Variants in CYGB observed in about 807,000 individuals in gnomAD.
The protein encoded by CYGB is cytoglobin.
CYGB carries 13 observed loss-of-function variants against 20.7 expected under a neutral mutation model. That is an observed-to-expected ratio of 0.63 (90% confidence interval 0.41 to 1.00). The LOEUF is 1.00. CYGB is among the 50% of genes least tolerant of loss of function. The pLI is 0.00. For synonymous variants in CYGB, 93 were observed against 107.4 expected (o/e 0.87, Z 0.83); for missense variants, 218 against 257.2 (o/e 0.85, Z 1.04).
upstream of CYGB, chr17:76,540,186 GCGC>G (rs1567910849): frequency 6.2e-7 from 1 of 1,601,106 alleles, no homozygotes; most frequent in Admixed American, 1.7e-5. The surrounding 1 kb of genome is among the most constrained non-coding windows in gnomAD (Gnocchi z 5.0). Context: ...CCATGCTCTG[GCGC>G]CGCCGATTTG....
upstream of CYGB, among the ~76,000 whole-genome samples, chr17:76,540,876 G>T (rs905071650): frequency 6.6e-6 from 1 of 152,228 alleles, no homozygotes; most frequent in Non-Finnish European, 1.5e-5. This position sits in a 1 kb window ranked among gnomAD's most constrained non-coding sequence, Gnocchi z 5.0. Flanking sequence ...AAGGAGGGAT[G>T]AGGCAGGAGT....
chr17:76,531,345 G>A lies in CYGB; in HGVS notation c.375+115C>T, dbSNP rs188634736. ...CTGCCGGGCACTGCCCCTCCCTCTC[G>A]CAGCCACTCCGGGGATCACCTCTGT... On this transcript the variant is annotated intron_variant, in intron 2 of 3. Coordinates refer to ENST00000293230, the MANE Select transcript of CYGB (RefSeq NM_134268.5). The surrounding 1 kb of genome is among the most constrained non-coding windows in gnomAD (Gnocchi z 7.4). The A allele has an allele frequency of 5.5e-5, 75 of 1,355,166 alleles. No homozygotes were observed. The African/African-American group carries it at 9.5e-4, about 17-fold the overall frequency. 83.9% of individuals were successfully genotyped at this position (1,355,166 alleles called of 1,614,324 possible).
chr17:76,547,999 C>T (rs2075071569), intron 1 of CYGB, among the ~76,000 whole-genome samples: 2 of 151,996 alleles, frequency 1.3e-5, no homozygotes, highest in Non-Finnish European at 2.9e-5. Context: ...CATTCACACA[C>T]ACATTCACAC....
chr17:76,532,308 C>T (rs1176818330), intron 1 of CYGB, among the ~76,000 whole-genome samples: 5 of 152,144 alleles, frequency 3.3e-5, no homozygotes, highest in Non-Finnish European at 4.4e-5. Context: ...AAATGTTCCT[C>T]GGGTGAGCCA....
At chr17:76,542,621 C>A, upstream of CYGB, 1 of 1,611,328 alleles carries the variant, frequency 6.2e-7, no homozygotes, top group Non-Finnish European at 8.5e-7. Context: ...CTGGGATCAG[C>A]TGGCTCAGGC....
At position 76,531,712 on chromosome 17, in the gene CYGB, G is replaced by A. The variant is rs754600110; in HGVS notation, c.144-21C>T. On this transcript the variant is annotated intron_variant, in intron 1 of 3. Transcript: ENST00000293230. This position sits in a 1 kb window ranked among gnomAD's most constrained non-coding sequence, Gnocchi z 7.4. ...AGAACCTGGCAAGAGGAACAGGGGT[G>A]GTCGCTGAAGCTGGAGGCTGCCTCG... The A allele has an allele frequency of 6.4e-7, 1 of 1,566,746 alleles. No individual in the cohort carries two copies. Among genetic ancestry groups the A allele is most frequent in the East Asian group, 2.3e-5 (1 of 44,080 alleles).
chr17:76,529,691 T>C, intron 3 of CYGB: 1 of 985,372 alleles, frequency 1.0e-6, no homozygotes, highest in Non-Finnish European at 1.2e-6. Context: ...CCCCTGTCTT[T>C]TCCCTGGACC....
chr17:76,544,566 A>G (rs902050373), intron 1 of CYGB: 6 of 456,602 alleles, frequency 1.3e-5, no homozygotes, highest in African/African-American at 1.2e-4. Flanking sequence ...AGGAGCCTGC[A>G]GAGGCAAAGC....
intron 1 of CYGB, among the ~76,000 whole-genome samples, chr17:76,535,638 G>A (rs2074905709): frequency 6.6e-6 from 1 of 152,144 alleles, no homozygotes; most frequent in African/African-American, 2.4e-5. Flanking sequence ...CCCAGCCCAG[G>A]CCCAGGCCCC....
Position 76,530,953 on chromosome 17 carries a change from C to A in CYGB, c.539+26G>T, listed in dbSNP as rs1027864794. On this transcript the variant is annotated intron_variant, in intron 3 of 3. Transcript: ENST00000293230. The surrounding 1 kb of genome is among the most constrained non-coding windows in gnomAD (Gnocchi z 6.1). ...CAGAGGACATGGCGGGGAGGCTGCC[C>A]AGCCCACCCTCGCCCGCCTCCTCAC... is the stretch of plus-strand genomic sequence containing the variant. 7.8e-6 allele frequency: 12 copies of A among 1,546,024 alleles called. No individual in the cohort carries two copies. Among genetic ancestry groups the A allele is most frequent in the Non-Finnish European group, 1.8e-6 (2 of 1,142,768 alleles).
rs1229345797 is a variant in CYGB, at chr17:76,528,478, C to T, written c.*100G>A. 1.8e-6 allele frequency: 2 copies of T among 1,106,382 alleles called. No individual in the cohort carries two copies. Among genetic ancestry groups the T allele is most frequent in the Non-Finnish European group, 2.4e-6 (2 of 850,800 alleles). 68.5% of individuals were successfully genotyped at this position (1,106,382 alleles called of 1,614,324 possible). On this transcript the variant is annotated 3_prime_UTR_variant, in exon 4 of 4. Coordinates refer to ENST00000293230, the MANE Select transcript of CYGB (RefSeq NM_134268.5). The surrounding 1 kb of genome is among the most constrained non-coding windows in gnomAD (Gnocchi z 5.8). Reference sequence around the variant, plus strand: ...CGGGGAAGTTGAGTCAGGGATTCCTCCAGCTTCCTTGGCACCCAGAAATGG... The same window carrying T: ...CGGGGAAGTTGAGTCAGGGATTCCTTCAGCTTCCTTGGCACCCAGAAATGG...
chr17:76,544,072 T>A (rs1041736196), intron 1 of CYGB: 18 of 454,542 alleles, frequency 4.0e-5, no homozygotes, highest in Non-Finnish European at 7.9e-5. Flanking sequence ...CATTTCTCTC[T>A]TTTCAATCCT....
chr17:76,538,423 T>C, upstream of CYGB: 1 of 445,976 alleles, frequency 2.2e-6, no homozygotes, highest in Non-Finnish European at 4.7e-6. Context: ...CCCCTCTCCT[T>C]CCGCCCAGCA....
chr17:76,531,564 T>C lies in CYGB; in HGVS notation c.271A>G (p.Thr91Ala). ...GGGTCATGCAGGTTCTCCACGACAG[T>C]GTTGAGGGCCCCCATGACTCGGCAG... Reference protein sequence around the residue: ...HACRVMGALNTVVENLHDPDK... With the variant: ...HACRVMGALNAVVENLHDPDK... The change falls in exon 2 of 4, where the codon ACT becomes GCT. Residue 91 changes from threonine (T) to alanine (A), a missense_variant. Coordinates refer to ENST00000293230, the MANE Select transcript of CYGB (RefSeq NM_134268.5). The surrounding 1 kb of genome is among the most constrained non-coding windows in gnomAD (Gnocchi z 7.4). 1 of 1,614,074 alleles carries C rather than the reference T, an allele frequency of 6.2e-7. No homozygotes were observed.
At chr17:76,547,480 T>C (rs891288090) in intron 1 of CYGB, 2 of 152,288 alleles carry the variant, frequency 1.3e-5, no homozygotes, top group African/African-American at 4.8e-5. Context: ...CCAGTCCTTG[T>C]GCCTAAGGAG....
In CYGB at chr17:76,548,985, G is replaced by A. The variant is rs116778275; in HGVS notation, c.-53+1877C>T. Reference sequence around the variant, plus strand: ...AAGGTGAGGAGGAGACAGAATCAGAGGTCAAGACAGTGTGAGATTCATAAG... The same window carrying A: ...AAGGTGAGGAGGAGACAGAATCAGAAGTCAAGACAGTGTGAGATTCATAAG... On this transcript the variant is annotated intron_variant, in intron 1 of 3. Transcript: ENST00000589145. Among the ~76,000 whole-genome samples the A allele has an allele frequency of 4.8e-3, 726 of 152,234 alleles. 5 individuals are homozygous for A. The highest frequency in any genetic ancestry group is 0.017 in the African/African-American group (699 of 41,530).
Position 76,543,946 on chromosome 17 carries a change from C to T in CYGB, c.-53+6916G>A, listed in dbSNP as rs538895142. 3.2e-4 allele frequency: 151 copies of T among 468,946 alleles called. 2 individuals are homozygous for T. Among genetic ancestry groups the T allele is most frequent in the South Asian group, 2.2e-3 (140 of 64,526 alleles). The allele number at this position is 468,946 out of a possible 1,614,324, so 29.0% of individuals were successfully genotyped here. The stretch of plus-strand genomic sequence containing the variant: ...AATGTGTTTTCTGTATGTGTGCAAG[C>T]GCGTGTGTTCCAAACGGGCAGTAGC... On this transcript the variant is annotated intron_variant, in intron 1 of 3. Coordinates refer to the CYGB transcript ENST00000589145.
In CYGB at chr17:76,531,392, A is replaced by C. The variant is rs1482773425; in HGVS notation, c.375+68T>G. On this transcript the variant is annotated intron_variant, in intron 2 of 3. Coordinates refer to ENST00000293230, the MANE Select transcript of CYGB (RefSeq NM_134268.5). The surrounding 1 kb of genome is among the most constrained non-coding windows in gnomAD (Gnocchi z 7.4). Reference sequence around the variant, plus strand: ...CTGTTGCTCCAGAGAGCCGTCGCAGAGCCTGCGAGCTGCAGATGGCCATGA... The same window carrying C: ...CTGTTGCTCCAGAGAGCCGTCGCAGCGCCTGCGAGCTGCAGATGGCCATGA... 1.2e-5 allele frequency: 18 copies of C among 1,543,852 alleles called. No individual in the cohort carries two copies. The South Asian group carries it at 2.0e-4, about 17-fold the overall frequency.
chr17:76,540,824 G>A (rs2074983370), upstream of CYGB, among the ~76,000 whole-genome samples: 1 of 152,198 alleles, frequency 6.6e-6, no homozygotes, highest in Non-Finnish European at 1.5e-5. The surrounding 1 kb of genome is among the most constrained non-coding windows in gnomAD (Gnocchi z 5.0). Context: ...AGCACGGGGC[G>A]GTCCCCCGGG....
Sources: gnomAD v4.1 joint callset for allele counts (sites outside exome capture counted in the v4.1 genomes callset) on GRCh38, gnomAD v4.1.1 for gene constraint, Gnocchi (gnomAD v3.1) non-coding constraint, MANE v1.5 for transcripts, NCBI Gene and HGNC (gene_info 2026-07-23, HGNC 2026-07-21) for gene names.